Variants in SAMMSON observed in about 807,000 individuals in gnomAD.
SAMMSON encodes the protein long intergenic non-protein coding RNA 1212.
intron 4 of SAMMSON, among the ~76,000 whole-genome samples, chr3:70,088,012 G>A (rs1297860340): frequency 1.3e-5 from 2 of 152,134 alleles, no homozygotes; most frequent in South Asian, 4.1e-4. Flanking sequence ...ATTGCTTAAG[G>A]TGTGGCTGAA....
chr3:70,367,291 C>A (rs1415503999), intron 9 of SAMMSON, among the ~76,000 whole-genome samples: 1 of 151,488 alleles, frequency 6.6e-6, no homozygotes, highest in Non-Finnish European at 1.5e-5. Context: ...GTTTTATACC[C>A]ATTAATCAAT....
chr3:70,140,844 T>C (rs2067524988), intron 4 of SAMMSON, among the ~76,000 whole-genome samples: 2 of 152,164 alleles, frequency 1.3e-5, no homozygotes, highest in Non-Finnish European at 2.9e-5. Flanking sequence ...CATTTCCATC[T>C]GAGTCTTCAT....
intron 9 of SAMMSON, among the ~76,000 whole-genome samples, chr3:70,387,124 A>T (rs912652593): frequency 6.6e-6 from 1 of 152,086 alleles, no homozygotes; most frequent in East Asian, 1.9e-4. Context: ...TCTTGGCCAG[A>T]AGTTGGTCTC....
At chr3:70,134,209 G>A (rs1027487855) in intron 4 of SAMMSON, among the ~76,000 whole-genome samples, 13 of 150,934 alleles carry the variant, frequency 8.6e-5, no homozygotes, top group African/African-American at 2.7e-4. Flanking sequence ...GCAGTGAGCC[G>A]AGATTGTGCC....
At position 70,232,501 on chromosome 3, in the gene SAMMSON, G is replaced by A. The variant is rs192611742; in HGVS notation, n.508-16606G>A. Reference sequence around the variant, plus strand: ...TGCAACCTCCGACTCCCGGGTTCAAGTGATTCTCCTGCCTCAGTCTCCTGA... The same window carrying A: ...TGCAACCTCCGACTCCCGGGTTCAAATGATTCTCCTGCCTCAGTCTCCTGA... On this transcript the variant is annotated intron_variant and non_coding_transcript_variant, in intron 4 of 9. Transcript: ENST00000642114. Among the ~76,000 whole-genome samples, 885 of 151,942 alleles carry A rather than the reference G, an allele frequency of 5.8e-3. 4 individuals carry two copies. Among genetic ancestry groups the A allele is most frequent in the African/African-American group, 0.019 (787 of 41,426 alleles).
At chr3:70,286,812 T>C (rs571264923) in intron 6 of SAMMSON, among the ~76,000 whole-genome samples, 3 of 152,330 alleles carry the variant, frequency 2.0e-5, no homozygotes, top group Admixed American at 6.5e-5. Context: ...TTTTATTCTC[T>C]TTGAAGCAAT....
intron 4 of SAMMSON, among the ~76,000 whole-genome samples, chr3:70,195,648 C>G (rs1275770904): frequency 6.6e-6 from 1 of 152,178 alleles, no homozygotes; most frequent in East Asian, 1.9e-4. Flanking sequence ...CCTCAATTCT[C>G]CATTTCACTT....
At chr3:70,011,762 A>C (rs888509560) in intron 1 of SAMMSON, among the ~76,000 whole-genome samples, 2 of 152,120 alleles carry the variant, frequency 1.3e-5, no homozygotes, top group African/African-American at 4.8e-5. Flanking sequence ...GAGGGAATCC[A>C]AGAACACAGG....
chr3:70,086,660 C>G (rs944927754), intron 4 of SAMMSON, among the ~76,000 whole-genome samples: 2 of 152,196 alleles, frequency 1.3e-5, no homozygotes, highest in Non-Finnish European at 2.9e-5. Flanking sequence ...GAACTGGCTT[C>G]TTTAAATTCT....
At chr3:70,397,586 T>C (rs1701102617) in intron 2 of SAMMSON, among the ~76,000 whole-genome samples, 1 of 152,134 alleles carries the variant, frequency 6.6e-6, no homozygotes, top group South Asian at 2.1e-4. Flanking sequence ...TAACAATATG[T>C]GTGTGTGATT....
Position 70,182,958 on chromosome 3 carries a change from AAG to A in SAMMSON, n.508-66144_508-66143del, listed in dbSNP as rs1701065630. Among the ~76,000 whole-genome samples, 4 of 152,148 alleles carry A rather than the reference AAG, an allele frequency of 2.6e-5. No individual in the cohort carries two copies. The South Asian group carries it at 8.3e-4, about 32-fold the overall frequency. Reference sequence around the variant, plus strand: ...TGATGCAAACGAAAAAGACTTCAACAAGAGAGTTAACGCTGAAATCTGAGCAT... The same window carrying A: ...TGATGCAAACGAAAAAGACTTCAACAAGAGTTAACGCTGAAATCTGAGCAT... On this transcript the variant is annotated intron_variant and non_coding_transcript_variant, in intron 4 of 9. Coordinates refer to ENST00000642114, the Ensembl canonical transcript of SAMMSON.
chr3:70,214,529 AG>A (rs1247162097), intron 4 of SAMMSON, among the ~76,000 whole-genome samples: 1 of 151,980 alleles, frequency 6.6e-6, no homozygotes, highest in Non-Finnish European at 1.5e-5. Context: ...AACTGAGGGA[AG>A]AAGGCTGAGC....
At chr3:70,173,154 T>A (rs1576143662) in intron 4 of SAMMSON, among the ~76,000 whole-genome samples, 1 of 151,968 alleles carries the variant, frequency 6.6e-6, no homozygotes, top group Non-Finnish European at 1.5e-5. Context: ...TTTAAATTTA[T>A]ACTGATAGAG....
chr3:70,187,793 C>G (rs1423340955), intron 4 of SAMMSON, among the ~76,000 whole-genome samples: 1 of 152,162 alleles, frequency 6.6e-6, no homozygotes, highest in Non-Finnish European at 1.5e-5. Flanking sequence ...CCACACAATT[C>G]CCAGCCTATG....
intron 4 of SAMMSON, among the ~76,000 whole-genome samples, chr3:70,114,065 C>T (rs927851567): frequency 3.9e-5 from 6 of 152,184 alleles, no homozygotes; most frequent in Non-Finnish European, 8.8e-5. Context: ...ATAGGGTTCC[C>T]TGACGAGGTC....
intron 3 of SAMMSON, among the ~76,000 whole-genome samples, chr3:70,027,317 C>A (rs1420292324): frequency 6.6e-6 from 1 of 152,140 alleles, no homozygotes; most frequent in Non-Finnish European, 1.5e-5. Context: ...TTAATTGTGA[C>A]TCAATTTTTG....
intron 4 of SAMMSON, among the ~76,000 whole-genome samples, chr3:70,153,011 A>G (rs183284073): frequency 2.0e-5 from 3 of 152,182 alleles, no homozygotes; most frequent in South Asian, 4.1e-4. Context: ...GCGTAAATGT[A>G]TGCAGTCGTC....
intron 4 of SAMMSON, among the ~76,000 whole-genome samples, chr3:70,208,337 G>A (rs981496796): frequency 6.6e-6 from 1 of 152,026 alleles, no homozygotes; most frequent in African/African-American, 2.4e-5. Context: ...TGCTTATGCA[G>A]CTCAGTGCAA....
chr3:70,322,325 C>G (rs1043652964), intron 7 of SAMMSON, among the ~76,000 whole-genome samples: 2 of 152,062 alleles, frequency 1.3e-5, no homozygotes, highest in African/African-American at 4.8e-5. Context: ...ATCTTAGCAT[C>G]TGTCTTTCTC....
Sources: allele counts gnomAD v4.1 joint callset (sites outside exome capture counted in the v4.1 genomes callset), GRCh38; gene constraint gnomAD v4.1.1; transcripts MANE v1.5; gene names NCBI Gene and HGNC (gene_info 2026-07-23, HGNC 2026-07-21).